IL16: variants seen among roughly 807,000 people sequenced by gnomAD.
The protein encoded by IL16 is interleukin 16, also known as pro-interleukin-16.
A neutral mutation model predicts 110.1 loss-of-function variants in IL16; 67 were observed. The ratio of observed to expected loss-of-function variants is 0.61; its 90% CI spans 0.50 to 0.75. The LOEUF is 0.75. Among genes scored for constraint, IL16 ranks in the 30% least tolerant of loss-of-function variants. IL16 has a pLI of 0.00. For synonymous variants in IL16, 689 were observed against 662.9 expected (o/e 1.04, Z -0.61); for missense variants, 1,545 against 1,655.0 (o/e 0.93, Z 1.15).
Position 81,279,579 on chromosome 15 carries a change from A to G in IL16, c.886A>G (p.Thr296Ala), listed in dbSNP as rs1258040701. 1.5e-5 allele frequency: 25 copies of G among 1,613,058 alleles called. No homozygotes were observed. The East Asian group carries it at 5.6e-4, about 36-fold the overall frequency. ...KFKQAKKGLL[T>A]LTVRTRLTAP... Reference sequence around the variant, plus strand: ...TCAGCAAGCCAAAAAGGGGCTCCTCACCCTCACCGTGAGAACCCGCCTGAC... The same window carrying G: ...TCAGCAAGCCAAAAAGGGGCTCCTCGCCCTCACCGTGAGAACCCGCCTGAC... The change falls in exon 8 of 19, where the codon ACC (threonine) becomes GCC (alanine). Residue 296 changes from threonine (T) to alanine (A), a missense_variant. By Grantham distance (58) the Thr-to-Ala change is moderately conservative. This residue lies in a region of IL16 where 1,185 missense variants were observed against 1,238.8 expected (regional missense o/e 0.96). Coordinates refer to ENST00000683961, the MANE Select transcript of IL16 (RefSeq NM_172217.5).
chr15:81,209,873 A>C (rs555879358), intron 1 of IL16, among the ~76,000 whole-genome samples: 2 of 152,344 alleles, frequency 1.3e-5, no homozygotes, highest in South Asian at 4.1e-4. Context: ...TCAAAACAAC[A>C]TCTGGAATTG....
intron 6 of IL16, among the ~76,000 whole-genome samples, 164 bp downstream of exon 6, chr15:81,273,368 C>T (rs977916876): frequency 4.6e-5 from 7 of 152,256 alleles, no homozygotes; most frequent in Middle Eastern, 3.4e-3. Context: ...ACAGCTCCCC[C>T]GAGGGGGTCT....
chr15:81,227,377 G>C (rs778448127), intron 2 of IL16, among the ~76,000 whole-genome samples: 77 of 152,138 alleles, frequency 5.1e-4, no homozygotes, highest in Non-Finnish European at 8.7e-4. Context: ...AATCACAAAG[G>C]CTTCTCTAAA....
chr15:81,306,506 C>T lies in IL16; in HGVS notation c.3766C>T (p.His1256Tyr). 2.5e-6 allele frequency: 4 copies of T among 1,613,866 alleles called. No individual in the cohort carries two copies. Among genetic ancestry groups the T allele is most frequent in the Non-Finnish European group, 3.4e-6 (4 of 1,180,036 alleles). ...FSLEGGKGSL[H>Y]GDKPLTINRI... ...CCTGGAAGGAGGGAAGGGCTCCCTA[C>T]ACGGAGACAAGCCTCTCACCATTAA... Residue 1256 changes from histidine (H) to tyrosine (Y), a missense_variant, in exon 18 of 19, where the codon CAC becomes TAC. This residue lies in a region of IL16 where 356 missense variants were observed against 399.3 expected (regional missense o/e 0.89). Coordinates refer to ENST00000683961, the MANE Select transcript of IL16 (RefSeq NM_172217.5).
Position 81,299,721 on chromosome 15 carries a change from T to G in IL16, c.2395T>G (p.Leu799Val), listed in dbSNP as rs1900169817. 6.2e-7 allele frequency: 1 copy of G among 1,614,080 alleles called. No homozygotes were observed. The highest frequency in any genetic ancestry group is 1.3e-5 in the African/African-American group (1 of 74,928). ...PAWFRQSLKG[L>V]RNRASDPRGL... ...CTGGTTTCGCCAAAGCTTGAAAGGT[T>G]TGAGGAATCGTGCTTCAGACCCAAG... Residue 799 changes from leucine (L) to valine (V), a missense_variant, in exon 14 of 19, where the codon TTG (leucine) becomes GTG (valine). By Grantham distance (32) the Leu-to-Val change is conservative. Around this residue, in one of 3 missense-constraint regions of IL16, gnomAD observed 1,185 missense variants for 1,238.8 expected, o/e 0.96. Coordinates refer to ENST00000683961, the MANE Select transcript of IL16 (RefSeq NM_172217.5).
In IL16 at chr15:81,256,022, C is replaced by T. The variant is rs1204719857; in HGVS notation, c.313-3750C>T. Among the ~76,000 whole-genome samples the T allele has an allele frequency of 3.9e-5, 6 of 152,024 alleles. No homozygotes were observed. In the South Asian group the frequency reaches 1.2e-3, roughly 31 times the overall value. ...ATGGAAAATATAGAAAATACAGAAA[C>T]ATGTGAAAAAATAGTATTCATAATC... is the stretch of plus-strand genomic sequence containing the variant. On this transcript the variant is annotated intron_variant, in intron 2 of 18. Transcript: ENST00000683961.
At chr15:81,260,338 T>A (rs748943898) in intron 3 of IL16, among the ~76,000 whole-genome samples, 3 of 152,222 alleles carry the variant, frequency 2.0e-5, no homozygotes, top group Non-Finnish European at 4.4e-5. Flanking sequence ...TTAGAGATCA[T>A]CTATGTTAAC....
At chr15:81,210,041 T>G (rs1359815515) in intron 1 of IL16, among the ~76,000 whole-genome samples, 2 of 151,504 alleles carry the variant, frequency 1.3e-5, no homozygotes, top group Non-Finnish European at 2.9e-5. Flanking sequence ...TTGGTTTTTG[T>G]ATATGGTGAA....
chr15:81,194,738 T>C (rs370744135), upstream of IL16, among the ~76,000 whole-genome samples: 2 of 152,194 alleles, frequency 1.3e-5, no homozygotes, highest in East Asian at 3.8e-4. Flanking sequence ...CTTGGTTAGC[T>C]GTTGGCAGCA....
intron 18 of IL16, among the ~76,000 whole-genome samples, chr15:81,307,145 T>C (rs1364518723): frequency 1.3e-5 from 2 of 152,200 alleles, no homozygotes; most frequent in East Asian, 3.9e-4. Flanking sequence ...TGAATGACTG[T>C]GGCTACCATG....
intron 2 of IL16, among the ~76,000 whole-genome samples, chr15:81,252,838 A>G (rs890776480): frequency 6.6e-6 from 1 of 152,172 alleles, no homozygotes; most frequent in Non-Finnish European, 1.5e-5. Flanking sequence ...GCAATCTTCT[A>G]TTATATGGAT....
intron 2 of IL16, among the ~76,000 whole-genome samples, chr15:81,249,736 G>T (rs189824695): frequency 1.3e-5 from 2 of 152,222 alleles, no homozygotes; most frequent in East Asian, 3.9e-4. Flanking sequence ...AGGACTGAAA[G>T]ATTTTTAATA....
intron 1 of IL16, among the ~76,000 whole-genome samples, chr15:81,186,601 C>T (rs1299716169): frequency 6.6e-6 from 1 of 152,194 alleles, no homozygotes; most frequent in South Asian, 2.1e-4. Context: ...TTTATTTAAC[C>T]ATTCCCCAAT....
chr15:81,270,713 GAAATGGT>G (rs1203602543), intron 5 of IL16, among the ~76,000 whole-genome samples: 1 of 152,180 alleles, frequency 6.6e-6, no homozygotes. Context: ...AAAAGAAGGT[GAAATGGT>G]AAACGCCACC....
In IL16 at chr15:81,308,625, G is replaced by C; in HGVS notation, c.3826G>C (p.Glu1276Gln). ...TTCAGGAGCAGCCTCAGAACAAAGTGAGACAGTCCAGCCTGGAGATGAAAT... is the reference window on the plus strand; with the variant it reads ...TTCAGGAGCAGCCTCAGAACAAAGTCAGACAGTCCAGCCTGGAGATGAAAT... ...IFKGAASEQS[E>Q]TVQPGDEILQ... Residue 1276 changes from glutamate (E) to glutamine (Q), a missense_variant, in exon 19 of 19, where the codon GAG (glutamate) becomes CAG (glutamine). Coordinates refer to ENST00000683961, the MANE Select transcript of IL16 (RefSeq NM_172217.5). 6.2e-7 allele frequency: 1 copy of C among 1,611,280 alleles called. No homozygotes were observed. Among genetic ancestry groups the C allele is most frequent in the East Asian group, 2.2e-5 (1 of 44,782 alleles).
chr15:81,293,651 A>C lies in IL16; in HGVS notation c.1902+614A>C, dbSNP rs1254067772. Among the ~76,000 whole-genome samples the C allele has an allele frequency of 2.0e-5, 3 of 152,188 alleles. No individual in the cohort carries two copies. The East Asian group carries it at 5.8e-4, about 29-fold the overall frequency. On this transcript the variant is annotated intron_variant, in intron 12 of 18. Coordinates refer to ENST00000683961, the MANE Select transcript of IL16 (RefSeq NM_172217.5). ...GGAGGAGTGGCTCCTTCCAAGGGCT[A>C]TTGTGAGGATTAAAGGTAACCACTT...
intron 2 of IL16, among the ~76,000 whole-genome samples, chr15:81,247,908 A>G (rs1375131479): frequency 6.6e-6 from 1 of 152,190 alleles, no homozygotes; most frequent in Non-Finnish European, 1.5e-5. Flanking sequence ...ATTGTTGAGA[A>G]TTATTTGATG....
Position 81,285,747 on chromosome 15 carries a change from A to T in IL16, c.1249A>T (p.Thr417Ser), listed in dbSNP as rs1196860576. The change falls in exon 10 of 19, where the codon ACG becomes TCG. Residue 417 changes from threonine (T) to serine (S), a missense_variant. Around this residue, in one of 3 missense-constraint regions of IL16, gnomAD observed 1,185 missense variants for 1,238.8 expected, o/e 0.96. Coordinates refer to ENST00000683961, the MANE Select transcript of IL16 (RefSeq NM_172217.5). ...EISDSPVHCLTLNEVYTILSH... is the reference protein window; with the variant it reads ...EISDSPVHCLSLNEVYTILSH... ...CAGTGATTCCCCTGTGCACTGCCTG[A>T]CGCTCAATGAAGTCTACACGATCCT... 1 of 1,614,076 alleles carries T rather than the reference A, an allele frequency of 6.2e-7. No homozygotes were observed. The highest frequency in any genetic ancestry group is 8.5e-7 in the Non-Finnish European group (1 of 1,179,980).
At chr15:81,307,489 A>G (rs1900632192) in intron 18 of IL16, among the ~76,000 whole-genome samples, 2 of 152,240 alleles carry the variant, frequency 1.3e-5, no homozygotes, top group African/African-American at 4.8e-5. Context: ...CAGAAGGTAG[A>G]GTGAGGCTTA....
Sources: gnomAD v4.1 joint callset for allele counts (sites outside exome capture counted in the v4.1 genomes callset) on GRCh38, gnomAD v4.1.1 for gene constraint, gnomAD v4.1.1 regional missense constraint, MANE v1.5 for transcripts, NCBI Gene and HGNC (gene_info 2026-07-23, HGNC 2026-07-21) for gene names.